Variants in CPVL observed in about 807,000 individuals in gnomAD.
CPVL encodes probable serine carboxypeptidase CPVL.
CPVL carries 51 observed loss-of-function variants against 63.7 expected under a neutral mutation model. That is an observed-to-expected ratio of 0.80 (90% CI 0.64 to 1.01). CPVL has a LOEUF of 1.01. CPVL is among the 50% of genes least tolerant of loss of function. The pLI, the probability that CPVL is intolerant of heterozygous loss-of-function variation, is 0.00. For synonymous variants in CPVL, 195 were observed against 206.0 expected (o/e 0.95, Z 0.46); for missense variants, 530 against 573.1 (o/e 0.92, Z 0.77).
At chr7:29,182,787 A>G (rs1798220781) in intron 4 of CPVL, among the ~76,000 whole-genome samples, 1 of 152,214 alleles carries the variant, frequency 6.6e-6, no homozygotes, top group Non-Finnish European at 1.5e-5. Context: ...GTAGGCTTAT[A>G]GGAAATTAAA....
intron 3 of CPVL, among the ~76,000 whole-genome samples, chr7:29,100,576 G>A (rs1787013817): frequency 6.6e-6 from 1 of 152,092 alleles, no homozygotes; most frequent in Non-Finnish European, 1.5e-5. Context: ...CCGGACCTCT[G>A]GACTCAGAAA....
chr7:29,025,691 G>A (rs1267502040), intron 12 of CPVL, among the ~76,000 whole-genome samples: 1 of 152,176 alleles, frequency 6.6e-6, no homozygotes, highest in East Asian at 1.9e-4. Context: ...GTGAGAAGGA[G>A]TAGCTGTACT....
intron 11 of CPVL, among the ~76,000 whole-genome samples, chr7:29,038,341 C>T (rs1788745754): frequency 6.6e-6 from 1 of 152,138 alleles, no homozygotes; most frequent in African/African-American, 2.4e-5. Flanking sequence ...TTACTCTTTC[C>T]ACCATGTGAG....
chr7:29,071,721 T>G, intron 9 of CPVL, 52 bp downstream of exon 9: 1 of 399,416 alleles, frequency 2.5e-6, no homozygotes, highest in Non-Finnish European at 4.1e-6. Flanking sequence ...CCGCCCTCCC[T>G]CCCCAGATGG....
At chr7:29,183,402 G>T (rs1291376431) in intron 4 of CPVL, among the ~76,000 whole-genome samples, 2 of 150,908 alleles carry the variant, frequency 1.3e-5, no homozygotes, top group Non-Finnish European at 3.0e-5. Flanking sequence ...TTTGAGACAG[G>T]GTCTTGCTCT....
intron 12 of CPVL, 50 bp downstream of exon 12, chr7:29,030,527 A>G (rs754752968): frequency 6.4e-7 from 1 of 1,556,146 alleles, no homozygotes; most frequent in Non-Finnish European, 8.7e-7. Context: ...TTTATTTTCA[A>G]TCCCGCTCTC....
rs140450679 is a variant in CPVL at position 29,025,065 on chromosome 7, C to T, written c.1320+5512G>A. 6.7e-3 allele frequency among the ~76,000 whole-genome samples: 1,024 copies of T among 152,260 alleles called. 4 individuals are homozygous for T. Among genetic ancestry groups the T allele is most frequent in the Non-Finnish European group, 0.011 (735 of 68,028 alleles). ...ACAAAATGGCAGAAATAAGTTCTCA[C>T]CTATCAGTAATAACTTTGAATGTAA... On this transcript the variant is annotated intron_variant, in intron 12 of 12. Transcript: ENST00000265394.
intron 11 of CPVL, among the ~76,000 whole-genome samples, chr7:29,038,741 G>A (rs1788781909): frequency 6.6e-6 from 1 of 152,164 alleles, no homozygotes; most frequent in South Asian, 2.1e-4. Flanking sequence ...CCTCTGTCAT[G>A]GGTAAAAAAG....
intron 9 of CPVL, among the ~76,000 whole-genome samples, chr7:29,070,344 A>C (rs1245486969): frequency 6.6e-6 from 1 of 152,148 alleles, no homozygotes; most frequent in Non-Finnish European, 1.5e-5. Flanking sequence ...TTTTTTCTAA[A>C]TATGGGCCTC....
rs553770312 is a variant in CPVL, at chr7:29,075,401, A to G, written c.610-2978T>C. On this transcript the variant is annotated intron_variant, in intron 7 of 12. Coordinates refer to ENST00000265394, the MANE Select transcript of CPVL (RefSeq NM_031311.5). ...CAGTGATGAAAACAAGGGCCCGTGC[A>G]TTTCATTCACATGCCTGGCTGGAAT... is the stretch of plus-strand genomic sequence containing the variant. Among the ~76,000 whole-genome samples the G allele has an allele frequency of 7.6e-4, 115 of 151,384 alleles. 1 individual carries two copies. The highest frequency in any genetic ancestry group is 1.0e-3 in the Non-Finnish European group (71 of 67,936).
At chr7:29,128,044 G>C (rs908525696) in intron 1 of CPVL, 1 of 151,230 alleles carries the variant, frequency 6.6e-6, no homozygotes, top group African/African-American at 2.4e-5. Context: ...TGATGGATGA[G>C]GAAAAGATAT....
At position 29,099,332 on chromosome 7, in the gene CPVL, C is replaced by A. The variant is rs187479942; in HGVS notation, c.289-3115G>T. ...TCTCGCTCCTGTAGCCCACAACTTC[C>A]CTGATCAGTTTTACTAGTTATTCCC... On this transcript the variant is annotated intron_variant, in intron 3 of 12. Coordinates refer to ENST00000265394, the MANE Select transcript of CPVL (RefSeq NM_031311.5). Among the ~76,000 whole-genome samples, 9 of 152,272 alleles carry A rather than the reference C, an allele frequency of 5.9e-5. No individual in the cohort carries two copies. The East Asian group carries it at 1.7e-3, about 29-fold the overall frequency.
In CPVL at chr7:29,083,902, T is replaced by A. The variant is rs143711333; in HGVS notation, c.609+2582A>T. 1.3e-4 allele frequency among the ~76,000 whole-genome samples: 20 copies of A among 152,272 alleles called. No homozygotes were observed. The East Asian group carries it at 3.7e-3, about 28-fold the overall frequency. On this transcript the variant is annotated intron_variant, in intron 7 of 12. Transcript: ENST00000265394. ...CTGGTACCTTTCCTGGGGCTATTAG[T>A]CTTTACAGTTACTTGTCTAATTTTT...
chr7:29,101,132 TAA>T (rs774716143), intron 3 of CPVL, among the ~76,000 whole-genome samples: 28 of 152,292 alleles, frequency 1.8e-4, no homozygotes, highest in Non-Finnish European at 3.7e-4. Flanking sequence ...TTGGAAAGAA[TAA>T]AAGACTTCCT....
At chr7:29,096,518 C>A in intron 3 of CPVL, 1 of 444,778 alleles carries the variant, frequency 2.2e-6, no homozygotes, top group Non-Finnish European at 4.1e-6. Context: ...TGCCAGACAT[C>A]TAGCATACTG....
chr7:29,125,918 C>A (rs367580554), intron 1 of CPVL, among the ~76,000 whole-genome samples: 1 of 152,146 alleles, frequency 6.6e-6, no homozygotes, highest in Non-Finnish European at 1.5e-5. Flanking sequence ...ATGACTCATC[C>A]GAGGACCTTG....
intron 5 of CPVL, among the ~76,000 whole-genome samples, chr7:29,153,306 C>T (rs558332371): frequency 3.9e-5 from 6 of 152,302 alleles, no homozygotes; most frequent in African/African-American, 1.4e-4. Context: ...ATTTAAACTA[C>T]AGTTGACCCT....
At position 29,062,268 on chromosome 7, in the gene CPVL, C is replaced by T. The variant is rs79312998; in HGVS notation, c.1137+1793G>A. ...TGAGAGTCTGCACGTTAGAGTGTGC[C>T]ATGTACACCTATGGGGGTAAAGACA... is the stretch of plus-strand genomic sequence containing the variant. On this transcript the variant is annotated intron_variant, in intron 11 of 12. Transcript: ENST00000265394. Among the ~76,000 whole-genome samples the T allele has an allele frequency of 4.5e-3, 689 of 152,182 alleles. 3 individuals carry two copies. The highest frequency in any genetic ancestry group is 0.016 in the African/African-American group (645 of 41,508).
At chr7:29,166,888 CT>C (rs1795993452) in intron 5 of CPVL, among the ~76,000 whole-genome samples, 1 of 151,850 alleles carries the variant, frequency 6.6e-6, no homozygotes, top group South Asian at 2.1e-4. Flanking sequence ...TATAATAGTT[CT>C]TTTAATGTCC....
Sources: allele counts gnomAD v4.1 joint callset (sites outside exome capture counted in the v4.1 genomes callset), GRCh38; gene constraint gnomAD v4.1.1; transcripts MANE v1.5; gene names NCBI Gene and HGNC (gene_info 2026-07-23, HGNC 2026-07-21).